The following CRHR2 variants were observed in gnomAD, a reference collection of about 807,000 sequenced individuals.
CRHR2 encodes corticotropin-releasing hormone receptor 2.
CRHR2 carries 53 observed loss-of-function variants against 57.9 expected under a neutral mutation model. That is an observed-to-expected ratio of 0.92 (90% confidence interval 0.73 to 1.15). The LOEUF is 1.15. Among genes scored for constraint, CRHR2 ranks in the 50% most tolerant of loss-of-function variants. The probability of loss-of-function intolerance (pLI) is 0.00; values close to 1 mark genes in which losing one functional copy is unlikely to be tolerated. For missense variants in CRHR2, 532 were observed against 542.6 expected (o/e 0.98, Z 0.19); for synonymous variants, 213 against 220.9 (o/e 0.96, Z 0.32).
In CRHR2 at chr7:30,660,437, A is replaced by T. The variant is rs555878155; in HGVS notation, c.831+136T>A. ...GGTGCTGGGGCACAGGGTGGCATGG[A>T]CAGGGTACGGGGGTGGCATATAGAG... On this transcript the variant is annotated intron_variant, in intron 8 of 11. Coordinates refer to ENST00000471646, the MANE Select transcript of CRHR2 (RefSeq NM_001883.5). 9 of 838,228 alleles carry T rather than the reference A, an allele frequency of 1.1e-5. No individual in the cohort carries two copies. The East Asian group carries it at 2.4e-4, about 23-fold the overall frequency. 51.9% of individuals were successfully genotyped at this position (838,228 alleles called of 1,614,324 possible). A position where few individuals can be genotyped will look rare whatever the true frequency, so the allele number is the denominator to read the frequency against.
At chr7:30,695,780 G>A (rs1481446985) in intron 1 of CRHR2, among the ~76,000 whole-genome samples, 1 of 152,170 alleles carries the variant, frequency 6.6e-6, no homozygotes, top group Non-Finnish European at 1.5e-5. Context: ...TTTGTTAAAG[G>A]AAAGGAATCT....
upstream of CRHR2, among the ~76,000 whole-genome samples, chr7:30,685,206 T>C (rs1784831010): frequency 6.6e-6 from 1 of 152,176 alleles, no homozygotes; most frequent in Non-Finnish European, 1.5e-5. Flanking sequence ...CAGTGGACAG[T>C]TCCAGGCCAG....
rs1389394427 is a variant in CRHR2, at chr7:30,662,719, C to T, written c.672G>A (p.Lys224=). ...ACCATCCGATGAAGAGGAAGAGGCA[C>T]TTGCGCAGGCGCTCAGTGGAGTAGG... The part of the protein sequence containing the change: ...VMTYSTERLR[K]CLFLFIGWCI... The change falls in exon 6 of 12, where the codon AAG becomes AAA. Residue 224 remains lysine, a synonymous_variant. Transcript: ENST00000471646. 2 of 1,614,038 alleles carry T rather than the reference C, an allele frequency of 1.2e-6. No homozygotes were observed. Among genetic ancestry groups the T allele is most frequent in the African/African-American group, 2.7e-5 (2 of 74,944 alleles).
At position 30,668,617 on chromosome 7, in the gene CRHR2, G is replaced by A. The variant is rs565768114; in HGVS notation, c.230-1304C>T. On this transcript the variant is annotated intron_variant, in intron 2 of 11. Coordinates refer to ENST00000471646, the MANE Select transcript of CRHR2 (RefSeq NM_001883.5). ...TTAAGTTACTTAAAAACCCACTTCC[G>A]TTGAGCCCGATGAGTTGGAAGCAAT... is the stretch of plus-strand genomic sequence containing the variant. Among the ~76,000 whole-genome samples the A allele has an allele frequency of 3.9e-4, 60 of 152,302 alleles. 1 individual carries two copies. Among genetic ancestry groups the A allele is most frequent in the African/African-American group, 1.4e-3 (57 of 41,554 alleles).
chr7:30,672,908 A>G (rs1784410035), intron 2 of CRHR2, among the ~76,000 whole-genome samples: 1 of 152,228 alleles, frequency 6.6e-6, no homozygotes, highest in Non-Finnish European at 1.5e-5. Context: ...ATGAAGAGGC[A>G]GAAGATCTCT....
Position 30,652,823 on chromosome 7 carries a change from G to A in CRHR2, c.*637C>T, listed in dbSNP as rs1335723581. 1.3e-5 allele frequency: 2 copies of A among 152,350 alleles called. No homozygotes were observed. Among genetic ancestry groups the A allele is most frequent in the Admixed American group, 6.5e-5 (1 of 15,292 alleles). 9.4% of individuals were successfully genotyped at this position (152,350 alleles called of 1,614,324 possible). On this transcript the variant is annotated 3_prime_UTR_variant, in exon 12 of 12. Coordinates refer to ENST00000471646, the MANE Select transcript of CRHR2 (RefSeq NM_001883.5). This position sits in a 1 kb window ranked among gnomAD's most constrained non-coding sequence, Gnocchi z 4.4. The stretch of plus-strand genomic sequence containing the variant: ...CCTTGATTGCCTAATCTGTGGACTA[G>A]GCAGAGAAGGGGTCTCCCAAGAGAG...
intron 2 of CRHR2, among the ~76,000 whole-genome samples, chr7:30,668,628 T>C (rs1784261114): frequency 6.6e-6 from 1 of 152,224 alleles, no homozygotes; most frequent in Non-Finnish European, 1.5e-5. Context: ...TTGAGCCCGA[T>C]GAGTTGGAAG....
intron 10 of CRHR2, 131 bp downstream of exon 10, chr7:30,655,449 G>A: frequency 8.6e-7 from 1 of 1,168,522 alleles, no homozygotes; most frequent in Non-Finnish European, 1.2e-6. Flanking sequence ...GCATGTACGG[G>A]CTTCTAACTC....
Position 30,682,354 on chromosome 7 carries a change from A to C in CRHR2, c.-74T>G. On this transcript the variant is annotated 5_prime_UTR_variant, in exon 1 of 12. Transcript: ENST00000471646. ...GTGACTGCGAGGGAGTGGACGCGAG[A>C]GTGAGCGGCCGAGAGGGCGCGGGGT... The C allele has an allele frequency of 7.0e-7, 1 of 1,436,502 alleles. No individual in the cohort carries two copies. The highest frequency in any genetic ancestry group is 9.1e-7 in the Non-Finnish European group (1 of 1,096,300). 89.0% of individuals were successfully genotyped at this position (1,436,502 alleles called of 1,614,324 possible).
chr7:30,665,631 C>A lies in CRHR2; in HGVS notation c.324G>T (p.Lys108Asn), dbSNP rs1266055527. 4 of 1,556,314 alleles carry A rather than the reference C, an allele frequency of 2.6e-6. No homozygotes were observed. Among genetic ancestry groups the A allele is most frequent in the Non-Finnish European group, 3.5e-6 (4 of 1,149,354 alleles). Residue 108 changes from lysine to asparagine, a missense_variant, in exon 4 of 12, where the codon AAG becomes AAT. Coordinates refer to ENST00000471646, the MANE Select transcript of CRHR2 (RefSeq NM_001883.5). The surrounding 1 kb of genome is among the most constrained non-coding windows in gnomAD (Gnocchi z 4.5). ...CEPILDDKQRKYDLHYRIALV... is the reference protein window; with the variant it reads ...CEPILDDKQRNYDLHYRIALV... ...GGGCGATGCGGTAGTGCAGGTCATA[C>A]TTCCTCTGCTGGACAGACAGACATG...
At chr7:30,672,687 C>T (rs1784403039) in intron 2 of CRHR2, among the ~76,000 whole-genome samples, 3 of 152,226 alleles carry the variant, frequency 2.0e-5, no homozygotes, top group Admixed American at 2.0e-4. Context: ...GCAGTCCAAC[C>T]CCACATGGGG....
chr7:30,662,237 G>T (rs1433809779), intron 6 of CRHR2, 21 bp from the exon 7 acceptor site: 1 of 1,613,730 alleles, frequency 6.2e-7, no homozygotes, highest in Non-Finnish European at 8.5e-7. Flanking sequence ...GAAAGACTTG[G>T]GCTGCAGGGG....
rs1783652301 is a variant in CRHR2, at chr7:30,653,271, C to T, written c.*189G>A. 3 of 739,802 alleles carry T rather than the reference C, an allele frequency of 4.1e-6. No individual in the cohort carries two copies. Among genetic ancestry groups the T allele is most frequent in the Admixed American group, 5.7e-5 (2 of 34,998 alleles). The allele number at this position is 739,802 out of a possible 1,614,324, so 45.8% of individuals were successfully genotyped here. A position where few individuals can be genotyped will look rare whatever the true frequency, so the allele number is the denominator to read the frequency against. On this transcript the variant is annotated 3_prime_UTR_variant, in exon 12 of 12. Transcript: ENST00000471646. The surrounding 1 kb of genome is among the most constrained non-coding windows in gnomAD (Gnocchi z 5.0). ...CCCTCTGCTTCCTCTTGCGCTGAGCCTGGTGGCCCCCACTCATCCCTGTCC... is the reference window on the plus strand; with the variant it reads ...CCCTCTGCTTCCTCTTGCGCTGAGCTTGGTGGCCCCCACTCATCCCTGTCC...
Position 30,656,940 on chromosome 7 carries a change from C to T in CRHR2, c.832-928G>A, listed in dbSNP as rs1424767820. On this transcript the variant is annotated intron_variant, in intron 8 of 11. Coordinates refer to ENST00000471646, the MANE Select transcript of CRHR2 (RefSeq NM_001883.5). This position sits in a 1 kb window ranked among gnomAD's most constrained non-coding sequence, Gnocchi z 4.4. ...GCACATCTGCGTTTCTCTTCACCTG[C>T]CTCCGAGCATAGGCAGGCAGGCAGG... Among the ~76,000 whole-genome samples the T allele has an allele frequency of 6.6e-6, 1 of 152,174 alleles. No individual in the cohort carries two copies. Among genetic ancestry groups the T allele is most frequent in the Non-Finnish European group, 1.5e-5 (1 of 68,034 alleles).
intron 1 of CRHR2, among the ~76,000 whole-genome samples, chr7:30,694,502 C>T (rs570661467): frequency 4.1e-4 from 62 of 152,324 alleles, no homozygotes; most frequent in African/African-American, 1.4e-3. Context: ...CCCTCCAGGG[C>T]CTGGCGACAA....
At chr7:30,655,876 C>T (rs751657759) in intron 9 of CRHR2, 51 bp downstream of exon 9, 14 of 1,602,430 alleles carry the variant, frequency 8.7e-6, no homozygotes, top group Admixed American at 1.7e-5. Flanking sequence ...GGGGACGGCC[C>T]GATGACCTCC....
At chr7:30,671,483 C>T (rs1784351234) in intron 2 of CRHR2, among the ~76,000 whole-genome samples, 1 of 151,880 alleles carries the variant, frequency 6.6e-6, no homozygotes, top group African/African-American at 2.4e-5. Context: ...GGGTCATTGG[C>T]TATTTGCAAA....
At chr7:30,697,579 C>T in intron 1 of CRHR2, among the ~76,000 whole-genome samples, 1 of 152,120 alleles carries the variant, frequency 6.6e-6, no homozygotes, top group Non-Finnish European at 1.5e-5. Flanking sequence ...TCCAGGCTCT[C>T]AGTGTGCCCT....
intron 1 of CRHR2, among the ~76,000 whole-genome samples, chr7:30,689,624 T>C (rs912066006): frequency 2.9e-5 from 4 of 139,784 alleles, no homozygotes; most frequent in Non-Finnish European, 4.7e-5. Flanking sequence ...GGGGGTGGGT[T>C]CCATTAGTTG....
Sources: gnomAD v4.1 joint callset for allele counts (sites outside exome capture counted in the v4.1 genomes callset) on GRCh38, gnomAD v4.1.1 for gene constraint, Gnocchi (gnomAD v3.1) non-coding constraint, MANE v1.5 for transcripts, NCBI Gene and HGNC (gene_info 2026-07-23, HGNC 2026-07-21) for gene names.